Variants in ANKRD30A observed in about 807,000 individuals in gnomAD.
ANKRD30A encodes ankyrin repeat domain 30A.
In ANKRD30A, 170 loss-of-function variants were observed where a neutral mutation model predicts 166.3. That is an observed-to-expected ratio of 1.02 (90% CI 0.90 to 1.16). The LOEUF (loss-of-function observed/expected upper bound fraction) is 1.16, where lower values mean the gene tolerates loss of function less well. Among genes scored for constraint, ANKRD30A ranks in the 50% most tolerant of loss-of-function variants. The pLI is 0.00. For synonymous variants in ANKRD30A, 564 were observed against 508.9 expected, an observed-to-expected ratio of 1.11 and a Z score of -1.46; for missense variants, 1,630 against 1,518.0, an observed-to-expected ratio of 1.07 and a Z score of -1.23.
At chr10:37,208,054 G>T (rs1842084178) in intron 31 of ANKRD30A, among the ~76,000 whole-genome samples, 1 of 152,034 alleles carries the variant, frequency 6.6e-6, no homozygotes, top group Non-Finnish European at 1.5e-5. Context: ...GAAGACAAGA[G>T]ACTGCTTTTT....
intron 4 of ANKRD30A, among the ~76,000 whole-genome samples, chr10:37,132,908 C>T (rs1052222123): frequency 2.0e-5 from 3 of 151,558 alleles, no homozygotes; most frequent in Admixed American, 6.6e-5. Context: ...GGCTGAGGCA[C>T]GAGAATCGCT....
intron 19 of ANKRD30A, among the ~76,000 whole-genome samples, chr10:37,167,593 G>A (rs963205678): frequency 8.6e-5 from 13 of 151,714 alleles, no homozygotes; most frequent in South Asian, 2.1e-4. Flanking sequence ...AAATTTAAAT[G>A]AAATACATCA....
At chr10:37,195,194 T>G (rs1840978487) in intron 27 of ANKRD30A, among the ~76,000 whole-genome samples, 1 of 152,176 alleles carries the variant, frequency 6.6e-6, no homozygotes, top group Non-Finnish European at 1.5e-5. Flanking sequence ...AAATAACAAA[T>G]GGGCTCTTGT....
chr10:37,157,062 T>C (rs1838436652), intron 13 of ANKRD30A, among the ~76,000 whole-genome samples: 1 of 152,156 alleles, frequency 6.6e-6, no homozygotes, highest in Non-Finnish European at 1.5e-5. Flanking sequence ...TATGGAAATA[T>C]TTGAGGAGTA....
chr10:37,201,420 C>G (rs1317256500), intron 31 of ANKRD30A, 95 bp downstream of exon 31: 2 of 919,106 alleles, frequency 2.2e-6, no homozygotes, highest in Non-Finnish European at 1.5e-6. Flanking sequence ...AAAATTACCT[C>G]CTAAATGCAA....
At chr10:37,189,820 G>A (rs1202343152) in intron 25 of ANKRD30A, among the ~76,000 whole-genome samples, 3 of 151,056 alleles carry the variant, frequency 2.0e-5, no homozygotes, top group African/African-American at 4.9e-5. Flanking sequence ...AAAGAAGAAA[G>A]TAGTAATAGA....
intron 31 of ANKRD30A, among the ~76,000 whole-genome samples, chr10:37,203,256 A>T (rs1361600720): frequency 6.6e-6 from 1 of 152,166 alleles, no homozygotes; most frequent in Non-Finnish European, 1.5e-5. Context: ...GGCAAACCGA[A>T]TCCAGCAGCA....
In ANKRD30A at chr10:37,134,007, T is replaced by C. The variant is rs1194233150; in HGVS notation, c.709T>C (p.Cys237Arg). ...TGTTGACGTCTTTGCTGCAGATATA[T>C]GTGGAGTAACTGCAGAACATTATGC... ...QNVDVFAADI[C>R]GVTAEHYAVT... Residue 237 changes from cysteine (C) to arginine (R), a missense_variant, in exon 5 of 36, where the codon TGT becomes CGT. Coordinates refer to ENST00000361713, the MANE Select transcript of ANKRD30A (RefSeq NM_052997.3). 6.2e-7 allele frequency: 1 copy of C among 1,613,950 alleles called. No homozygotes were observed. Among genetic ancestry groups the C allele is most frequent in the Non-Finnish European group, 8.5e-7 (1 of 1,179,952 alleles).
chr10:37,261,351 A>G, the ANKRD30A span, among the ~76,000 whole-genome samples: 1 of 152,208 alleles, frequency 6.6e-6, no homozygotes, highest in East Asian at 1.9e-4. Flanking sequence ...AGAAACTCAC[A>G]TAGTTGCAAA....
At chr10:37,194,640 C>G (rs534272244) in intron 27 of ANKRD30A, among the ~76,000 whole-genome samples, 1 of 152,114 alleles carries the variant, frequency 6.6e-6, no homozygotes. Flanking sequence ...GCACCGTGCC[C>G]GGCCGATGTC....
intron 17 of ANKRD30A, 152 bp from the exon 18 acceptor site, chr10:37,164,942 C>A (rs189371213): frequency 2.7e-6 from 2 of 743,232 alleles, no homozygotes; most frequent in Non-Finnish European, 4.5e-6. Context: ...TTTGGAATGA[C>A]TATAGAAGTA....
At chr10:37,195,388 C>T (rs963491062) in intron 27 of ANKRD30A, among the ~76,000 whole-genome samples, 1 of 152,064 alleles carries the variant, frequency 6.6e-6, no homozygotes, top group Non-Finnish European at 1.5e-5. Flanking sequence ...CATCTGTTTA[C>T]ATGGGAAGAA....
chr10:37,196,222 G>T (rs1459953934), intron 27 of ANKRD30A, among the ~76,000 whole-genome samples: 2 of 151,182 alleles, frequency 1.3e-5, no homozygotes, highest in African/African-American at 4.9e-5. Context: ...TCAGATGCAT[G>T]TAGATTATTT....
chr10:37,126,144 C>A, intron 1 of ANKRD30A, 136 bp downstream of exon 1: 1 of 920,634 alleles, frequency 1.1e-6, no homozygotes, highest in Non-Finnish European at 1.7e-6. Context: ...GGGCAGCCAT[C>A]CTGGGCCCTC....
chr10:37,259,207 T>C, the ANKRD30A span, among the ~76,000 whole-genome samples: 1 of 152,064 alleles, frequency 6.6e-6, no homozygotes, highest in African/African-American at 2.4e-5. Context: ...AAAACTTATA[T>C]CCAGAATATA....
At chr10:37,265,174 AT>A in the ANKRD30A span, among the ~76,000 whole-genome samples, 2 of 151,898 alleles carry the variant, frequency 1.3e-5, no homozygotes, top group Admixed American at 6.6e-5. Context: ...ATATCTTTTT[AT>A]TTTTTTCTTT....
intron 15 of ANKRD30A, among the ~76,000 whole-genome samples, chr10:37,162,117 G>C (rs572970867): frequency 1.3e-3 from 198 of 152,150 alleles, no homozygotes; most frequent in Non-Finnish European, 2.5e-3. Context: ...AGAAATATAG[G>C]CATATGATTA....
chr10:37,142,684 G>A (rs1471639363), intron 7 of ANKRD30A, among the ~76,000 whole-genome samples: 1 of 147,670 alleles, frequency 6.8e-6, no homozygotes, highest in Admixed American at 6.9e-5. Flanking sequence ...CGCCTCCCAG[G>A]TTCATGTGAT....
intron 27 of ANKRD30A, among the ~76,000 whole-genome samples, chr10:37,195,361 A>G (rs1840991969): frequency 6.6e-6 from 1 of 152,086 alleles, no homozygotes; most frequent in Non-Finnish European, 1.5e-5. Context: ...TCTTCCCTAG[A>G]GAGGATCTAG....
Sources: gnomAD v4.1 joint callset for allele counts (sites outside exome capture counted in the v4.1 genomes callset) on GRCh38, gnomAD v4.1.1 for gene constraint, MANE v1.5 for transcripts, NCBI Gene and HGNC (gene_info 2026-07-23, HGNC 2026-07-21) for gene names.